Variants in UGT1A8 observed in about 807,000 individuals in gnomAD.
UGT1A8 encodes the protein UDP-glucuronosyltransferase 1A8.
A neutral mutation model predicts 45.3 loss-of-function variants in UGT1A8; 39 were observed. That is an observed-to-expected ratio of 0.86 (90% CI 0.67 to 1.12). UGT1A8 has a LOEUF of 1.12. Among genes scored for constraint, UGT1A8 ranks in the 50% most tolerant of loss-of-function variants. The pLI, the probability that UGT1A8 is intolerant of heterozygous loss-of-function variation, is 0.00. For missense variants in UGT1A8, 719 were observed against 664.9 expected, an observed-to-expected ratio of 1.08 and a Z score of -0.90; for synonymous variants, 275 against 249.2, an observed-to-expected ratio of 1.10 and a Z score of -0.97.
At chr2:233,717,896 G>T (rs1418345167) in intron 1 of UGT1A8, 1 of 454,828 alleles carries the variant, frequency 2.2e-6, no homozygotes, top group South Asian at 1.6e-5. Flanking sequence ...ATAATCTTCA[G>T]GATGAAATAA....
At chr2:233,679,984 A>G (rs915636414) in intron 1 of UGT1A8, among the ~76,000 whole-genome samples, 1 of 152,284 alleles carries the variant, frequency 6.6e-6, no homozygotes, top group South Asian at 2.1e-4. Flanking sequence ...CAATGTCTTC[A>G]TGAATCTTTT....
At chr2:233,686,147 A>C (rs1316143320) in intron 1 of UGT1A8, among the ~76,000 whole-genome samples, 1 of 152,190 alleles carries the variant, frequency 6.6e-6, no homozygotes, top group Non-Finnish European at 1.5e-5. Flanking sequence ...AATTAACTTG[A>C]AATGGATCAA....
At position 233,767,025 on chromosome 2, in the gene UGT1A8, T is replaced by G. The variant is rs1345213013; in HGVS notation, c.856-9T>G. ...AAAAATTAACTGAAAATTTTTCTTC[T>G]GGCTCTAGGAATTTGAAGCCTACAT... On this transcript the variant is annotated splice_polypyrimidine_tract_variant and intron_variant, in intron 1 of 4. Coordinates refer to ENST00000373450, the MANE Select transcript of UGT1A8 (RefSeq NM_019076.5). The G allele has an allele frequency of 6.2e-7, 1 of 1,614,030 alleles. No individual in the cohort carries two copies. The highest frequency in any genetic ancestry group is 8.5e-7 in the Non-Finnish European group (1 of 1,180,008).
intron 1 of UGT1A8, among the ~76,000 whole-genome samples, chr2:233,703,376 G>A (rs1195838939): frequency 2.0e-5 from 3 of 151,480 alleles, no homozygotes; most frequent in African/African-American, 4.9e-5. Context: ...TATCAATTTT[G>A]TCTATATTTT....
At chr2:233,692,927 T>G in intron 1 of UGT1A8, 2 of 1,581,200 alleles carry the variant, frequency 1.3e-6, no homozygotes, top group Admixed American at 3.6e-5. Context: ...GTGGTTAGTT[T>G]AGGGAAAATA....
intron 1 of UGT1A8, among the ~76,000 whole-genome samples, chr2:233,622,688 C>A (rs1485149552): frequency 6.6e-6 from 1 of 152,176 alleles, no homozygotes; most frequent in Non-Finnish European, 1.5e-5. Context: ...CCTTTTCACT[C>A]TGATGATAGT....
At chr2:233,628,808 A>AT (rs1324164022) in intron 1 of UGT1A8, among the ~76,000 whole-genome samples, 1 of 152,038 alleles carries the variant, frequency 6.6e-6, no homozygotes, top group Non-Finnish European at 1.5e-5. Flanking sequence ...TTTGTTGAGA[A>AT]TTTTTTATCA....
At chr2:233,706,622 T>C (rs567814206) in intron 1 of UGT1A8, among the ~76,000 whole-genome samples, 1 of 152,196 alleles carries the variant, frequency 6.6e-6, no homozygotes, top group Admixed American at 6.5e-5. Flanking sequence ...ACTAGAGAAA[T>C]GAGTGTTTCT....
chr2:233,708,424 T>A (rs1288972358), intron 1 of UGT1A8: 2 of 152,202 alleles, frequency 1.3e-5, no homozygotes, highest in African/African-American at 4.8e-5. Context: ...CCAGTGAAGA[T>A]AAGAACTGGT....
chr2:233,721,761 G>T (rs1319151225), intron 1 of UGT1A8: 5 of 472,432 alleles, frequency 1.1e-5, no homozygotes, highest in Admixed American at 8.9e-5. Flanking sequence ...CATCTAAATT[G>T]TTATATTTAG....
intron 1 of UGT1A8, chr2:233,743,914 C>G (rs201448352): frequency 1.5e-6 from 2 of 1,364,518 alleles, no homozygotes; most frequent in Non-Finnish European, 2.0e-6. Context: ...AGTAGTCCAC[C>G]ATGCTGGATG....
chr2:233,674,430 C>T (rs2074284606), intron 1 of UGT1A8, among the ~76,000 whole-genome samples: 1 of 152,104 alleles, frequency 6.6e-6, no homozygotes, highest in Admixed American at 6.5e-5. Context: ...TAACAGGCAC[C>T]ACTTATGTGT....
chr2:233,719,788 G>A, intron 1 of UGT1A8: 1 of 1,609,458 alleles, frequency 6.2e-7, no homozygotes, highest in Non-Finnish European at 8.5e-7. Flanking sequence ...TCTTTCCAAA[G>A]ATTTTATTTT....
Position 233,630,261 on chromosome 2 carries a change from G to A in UGT1A8, c.855+11699G>A, listed in dbSNP as rs529548907. On this transcript the variant is annotated intron_variant, in intron 1 of 4. Coordinates refer to ENST00000373450, the MANE Select transcript of UGT1A8 (RefSeq NM_019076.5). ...AGTGCCCCAGTCACCAAAAGAAAAG[G>A]TGACTAAGCAAATGTCTAGTACCAG... 9.9e-5 allele frequency among the ~76,000 whole-genome samples: 15 copies of A among 152,144 alleles called. No homozygotes were observed. In the South Asian group the frequency reaches 1.2e-3, roughly 13 times the overall value.
rs1045652450 is a variant in UGT1A8 at position 233,618,173 on chromosome 2, A to G, written c.466A>G (p.Ile156Val). The change falls in exon 1 of 5, where the codon ATT becomes GTT. Residue 156 changes from isoleucine to valine, a missense_variant. Coordinates refer to ENST00000373450, the MANE Select transcript of UGT1A8 (RefSeq NM_019076.5). ...TGATCCTTTTGATGCCTGTGGCTTA[A>G]TTGTTGCCAAATATTTCTCCCTCCC... is the stretch of plus-strand genomic sequence containing the variant. ...FLDPFDACGL[I>V]VAKYFSLPSV... is the part of the protein sequence containing the mutation. 1 of 1,613,874 alleles carries G rather than the reference A, an allele frequency of 6.2e-7. No homozygotes were observed. Among genetic ancestry groups the G allele is most frequent in the Non-Finnish European group, 8.5e-7 (1 of 1,180,012 alleles).
At chr2:233,641,166 A>C (rs763525009) in intron 1 of UGT1A8, among the ~76,000 whole-genome samples, 3 of 152,072 alleles carry the variant, frequency 2.0e-5, no homozygotes, top group Non-Finnish European at 4.4e-5. Context: ...CTTGCTGACT[A>C]TCTTGCAACA....
chr2:233,678,321 G>C (rs1158260801), intron 1 of UGT1A8, among the ~76,000 whole-genome samples: 1 of 152,140 alleles, frequency 6.6e-6, no homozygotes, highest in African/African-American at 2.4e-5. Context: ...AGTTGAGTAT[G>C]TATAAGAGGA....
At chr2:233,658,829 C>A (rs2073907950) in intron 1 of UGT1A8, among the ~76,000 whole-genome samples, 1 of 152,160 alleles carries the variant, frequency 6.6e-6, no homozygotes, top group Admixed American at 6.5e-5. Context: ...TTCCATTGAT[C>A]CAGTTGTGAA....
At chr2:233,707,418 T>G (rs752536700) in intron 1 of UGT1A8, among the ~76,000 whole-genome samples, 16 of 152,316 alleles carry the variant, frequency 1.1e-4, no homozygotes, top group Admixed American at 2.6e-4. Flanking sequence ...CTCCCTCGAC[T>G]ATTTCTTTGC....
Sources: allele counts gnomAD v4.1 joint callset (sites outside exome capture counted in the v4.1 genomes callset), GRCh38; gene constraint gnomAD v4.1.1; transcripts MANE v1.5; gene names NCBI Gene and HGNC (gene_info 2026-07-23, HGNC 2026-07-21).